RNF213: variants seen among roughly 807,000 people sequenced by gnomAD.
RNF213 encodes ring finger protein 213.
Under a neutral mutation model 514.4 loss-of-function variants are expected in RNF213, and 341 were observed. The observed-to-expected ratio is 0.66, with a 90% CI of 0.61 to 0.73. The LOEUF is 0.73. Among genes scored for constraint, RNF213 ranks in the 30% least tolerant of loss-of-function variants. The probability of loss-of-function intolerance (pLI) is 0.00; values close to 1 mark genes in which losing one functional copy is unlikely to be tolerated. For missense variants in RNF213, 5,767 were observed against 6,615.6 expected (o/e 0.87, Z 4.45); for synonymous variants, 2,655 against 2,658.2 (o/e 1.00, Z 0.04).
rs553810871 is a variant in RNF213, at chr17:80,348,229, T to C, written c.9894T>C (p.Asp3298=). ...FHRQRHNSFA[D]FLQAHLHTAD... is the part of the protein sequence containing the mutation. The stretch of plus-strand genomic sequence containing the variant: ...GACAGAGGCACAACTCCTTTGCAGA[T>C]TTCCTTCAGGCACACCTGCACACGG... Residue 3298 remains aspartate, a synonymous_variant, in exon 29 of 68, where the codon GAT becomes GAC. Transcript: ENST00000582970. 5 of 1,614,068 alleles carry C rather than the reference T, an allele frequency of 3.1e-6. No homozygotes were observed. In the African/African-American group the frequency reaches 5.3e-5, roughly 17 times the overall value.
At chr17:80,366,637 T>G (rs2079284705) in intron 42 of RNF213, among the ~76,000 whole-genome samples, 2 of 147,576 alleles carry the variant, frequency 1.4e-5, no homozygotes, top group Admixed American at 1.4e-4. Context: ...CCAAGTAAGA[T>G]TAATCCCAGC....
At position 80,289,678 on chromosome 17, in the gene RNF213, A is replaced by G; in HGVS notation, c.953A>G (p.Lys318Arg). 3 of 1,614,108 alleles carry G rather than the reference A, an allele frequency of 1.9e-6. No individual in the cohort carries two copies. Among genetic ancestry groups the G allele is most frequent in the Non-Finnish European group, 2.5e-6 (3 of 1,180,014 alleles). The change falls in exon 6 of 68, where the codon AAG becomes AGG. Residue 318 changes from lysine to arginine, a missense_variant. Lys to Arg is a conservative substitution (Grantham distance 26). Transcript: ENST00000582970. The part of the protein sequence containing the change: ...THCQEAETKT[K>R]DEMAAAEEKV... ...TTCCAGGAAGCTGAGACCAAGACCAAGGACGAGATGGCTGCTGCTGAAGAA... is the reference window on the plus strand; with the variant it reads ...TTCCAGGAAGCTGAGACCAAGACCAGGGACGAGATGGCTGCTGCTGAAGAA...
intron 11 of RNF213, among the ~76,000 whole-genome samples, chr17:80,300,264 C>T (rs2045127286): frequency 6.6e-6 from 1 of 151,942 alleles, no homozygotes; most frequent in South Asian, 2.1e-4. Context: ...GATGGTATCT[C>T]ACTGTTTTTT....
At position 80,346,064 on chromosome 17, in the gene RNF213, C is replaced by T. The variant is rs1383107411; in HGVS notation, c.7729C>T (p.Pro2577Ser). The change falls in exon 29 of 68, where the codon CCT (proline) becomes TCT (serine). Residue 2577 changes from proline (P) to serine (S), a missense_variant. By Grantham distance (74) the Pro-to-Ser change is moderately conservative. This residue lies in a region of RNF213 where 1,377 missense variants were observed against 1,635.2 expected (regional missense o/e 0.84). Coordinates refer to ENST00000582970, the MANE Select transcript of RNF213 (RefSeq NM_001256071.3). This position sits in a 1 kb window ranked among gnomAD's most constrained non-coding sequence, Gnocchi z 8.1. ...CCATGCTCTGCCCCCGAGCCTGATT[C>T]CTCTGGTGTGGGACTTTGGACAACT... Reference protein sequence around the residue: ...RVHALPPSLIPLVWDFGQLSD... With the variant: ...RVHALPPSLISLVWDFGQLSD... 17 of 1,614,172 alleles carry T rather than the reference C, an allele frequency of 1.1e-5. No individual in the cohort carries two copies. Among genetic ancestry groups the T allele is most frequent in the Non-Finnish European group, 1.4e-5 (17 of 1,180,036 alleles).
In RNF213 at chr17:80,334,605, C is replaced by T. The variant is rs951746869; in HGVS notation, c.4309+335C>T. 2.9e-5 allele frequency among the ~76,000 whole-genome samples: 4 copies of T among 138,956 alleles called. No individual in the cohort carries two copies. The East Asian group carries it at 5.9e-4, about 21-fold the overall frequency. The allele number at this position is 138,956 out of a possible 152,430, so 91.2% of individuals were successfully genotyped here. A position where few individuals can be genotyped will look rare whatever the true frequency, so the allele number is the denominator to read the frequency against. ...TACTGGAGGACAAGGAGAGTTCCTG[C>T]CCACAGAGAGGTTTTTTTTTTTTGT... On this transcript the variant is annotated intron_variant, in intron 22 of 67. Coordinates refer to ENST00000582970, the MANE Select transcript of RNF213 (RefSeq NM_001256071.3).
chr17:80,388,962 C>T, intron 64 of RNF213: 1 of 624,748 alleles, frequency 1.6e-6, no homozygotes, highest in Admixed American at 2.6e-5. Context: ...CGATTTGTTC[C>T]TGCTCTCCGC....
Position 80,364,315 on chromosome 17 carries a change from C to T in RNF213, c.11751-118C>T, listed in dbSNP as rs771578676. On this transcript the variant is annotated intron_variant, in intron 41 of 67. Transcript: ENST00000582970. ...GTCACATAGGGCTTGCTTGTAATCCCAGCCGCTGGGCCTGGACCCCGGGTC... is the reference window on the plus strand; with the variant it reads ...GTCACATAGGGCTTGCTTGTAATCCTAGCCGCTGGGCCTGGACCCCGGGTC... The T allele has an allele frequency of 2.1e-4, 307 of 1,430,000 alleles. 2 individuals are homozygous for T. Among genetic ancestry groups the T allele is most frequent in the Non-Finnish European group, 1.5e-4 (157 of 1,020,022 alleles). 88.6% of individuals were successfully genotyped at this position (1,430,000 alleles called of 1,614,324 possible).
At position 80,271,851 on chromosome 17, in the gene RNF213, A is replaced by G. The variant is rs545854490; in HGVS notation, c.98-1390A>G. 6.2e-4 allele frequency among the ~76,000 whole-genome samples: 94 copies of G among 152,100 alleles called. 1 individual carries two copies. Among genetic ancestry groups the G allele is most frequent in the African/African-American group, 2.2e-3 (92 of 41,492 alleles). On this transcript the variant is annotated intron_variant, in intron 2 of 67. Transcript: ENST00000582970. ...AAAAATTAGCTGGGTGTGGTGGCGC[A>G]TGCCTGTAATCCCAGCTACTCCAGA...
chr17:80,383,631 G>A, intron 58 of RNF213, 46 bp from the exon 59 acceptor site: 1 of 1,606,226 alleles, frequency 6.2e-7, no homozygotes, highest in Non-Finnish European at 8.5e-7. Flanking sequence ...TCTGTTTGTA[G>A]CAATACCTCA....
At chr17:80,355,857 C>T (rs1043350814) in intron 36 of RNF213, among the ~76,000 whole-genome samples, 3 of 151,332 alleles carry the variant, frequency 2.0e-5, no homozygotes, top group Non-Finnish European at 2.9e-5. Context: ...TGGGGACTTA[C>T]AGACACCTTC....
chr17:80,264,794 G>A lies in RNF213; in HGVS notation c.97+1016G>A, dbSNP rs1396969138. ...AAGCAGGAGCCCTTACGGTGGCCACGAGGTCCTACATAGACGGCTGCCCAC... is the reference window on the plus strand; with the variant it reads ...AAGCAGGAGCCCTTACGGTGGCCACAAGGTCCTACATAGACGGCTGCCCAC... On this transcript the variant is annotated intron_variant, in intron 2 of 67. Coordinates refer to ENST00000582970, the MANE Select transcript of RNF213 (RefSeq NM_001256071.3). The surrounding 1 kb of genome is among the most constrained non-coding windows in gnomAD (Gnocchi z 5.0). Among the ~76,000 whole-genome samples the A allele has an allele frequency of 2.6e-5, 4 of 152,006 alleles. No individual in the cohort carries two copies. Among genetic ancestry groups the A allele is most frequent in the South Asian group, 2.1e-4 (1 of 4,820 alleles).
intron 49 of RNF213, 123 bp downstream of exon 49, chr17:80,373,288 C>T (rs1460190117): frequency 2.8e-6 from 2 of 720,724 alleles, no homozygotes; most frequent in African/African-American, 3.8e-5. Context: ...ACACCTTCCC[C>T]ACCACATACC....
intron 31 of RNF213, among the ~76,000 whole-genome samples, chr17:80,351,443 A>C (rs554300870): frequency 1.3e-5 from 2 of 152,366 alleles, no homozygotes; most frequent in Non-Finnish European, 2.9e-5. Flanking sequence ...AGCAGAGGAC[A>C]CAGGAATGGG....
chr17:80,390,339 CT>C, intron 67 of RNF213, 143 bp downstream of exon 67: 1 of 948,606 alleles, frequency 1.1e-6, no homozygotes, highest in Non-Finnish European at 1.6e-6. Flanking sequence ...CACCTGAGGA[CT>C]GGCTTTTTGG....
chr17:80,388,971 G>T lies in RNF213; in HGVS notation c.15001-202G>T, dbSNP rs189520709. 2 of 628,284 alleles carry T rather than the reference G, an allele frequency of 3.2e-6. 1 individual carries two copies. The highest frequency in any genetic ancestry group is 5.1e-5 in the Admixed American group (2 of 38,902). The allele number at this position is 628,284 out of a possible 1,614,324, so 38.9% of individuals were successfully genotyped here. ...TGGAACCGATTTGTTCCTGCTCTCC[G>T]CATGCGGGTACTGATAGGTAGACCT... On this transcript the variant is annotated intron_variant, in intron 64 of 67. Coordinates refer to ENST00000582970, the MANE Select transcript of RNF213 (RefSeq NM_001256071.3).
chr17:80,289,236 C>T (rs371364731), intron 5 of RNF213, among the ~76,000 whole-genome samples: 1 of 152,168 alleles, frequency 6.6e-6, no homozygotes, highest in African/African-American at 2.4e-5. Flanking sequence ...TGGAAGGTCC[C>T]GAGCGGGGAA....
chr17:80,327,929 G>A lies in RNF213; in HGVS notation c.3307G>A (p.Val1103Ile), dbSNP rs1299643229. The change falls in exon 19 of 68, where the codon GTT (valine) becomes ATT (isoleucine). Residue 1103 changes from valine (V) to isoleucine (I), a missense_variant. This residue lies in a region of RNF213 where 516 missense variants were observed against 566.5 expected (regional missense o/e 0.91). Transcript: ENST00000582970. ...TGACCTCCTAAGTGGCACGATTTTA[G>A]TTGGACAACTGGAGCTGATTATAAA... ...VGDLLSGTIL[V>I]GQLELIIKHK... 3.3e-6 allele frequency: 5 copies of A among 1,537,262 alleles called. No individual in the cohort carries two copies. In the Admixed American group the frequency reaches 7.8e-5, roughly 24 times the overall value.
chr17:80,369,351 T>C (rs1599154868), intron 44 of RNF213, 151 bp from the exon 45 acceptor site: 1 of 783,904 alleles, frequency 1.3e-6, no homozygotes, highest in South Asian at 1.4e-5. Context: ...TGAGCGGAGA[T>C]CGCGCCACTG....
chr17:80,272,249 A>G (rs1398177296), intron 2 of RNF213, among the ~76,000 whole-genome samples: 2 of 152,208 alleles, frequency 1.3e-5, no homozygotes, highest in Non-Finnish European at 2.9e-5. Flanking sequence ...GTGCCTCTGC[A>G]CTCCAGCCTG....
Sources: allele counts gnomAD v4.1 joint callset (sites outside exome capture counted in the v4.1 genomes callset), GRCh38; gene constraint gnomAD v4.1.1; regional missense constraint gnomAD v4.1.1; non-coding constraint Gnocchi (gnomAD v3.1); transcripts MANE v1.5; gene names NCBI Gene and HGNC (gene_info 2026-07-23, HGNC 2026-07-21).